Variants in SCGB2B2 observed in about 807,000 individuals in gnomAD.
SCGB2B2 encodes the protein secretoglobin-like protein.
In SCGB2B2, 11 loss-of-function variants were observed where a neutral mutation model predicts 7.6. The observed-to-expected ratio is 1.45, with a 90% confidence interval of 0.91 to 2.40. The LOEUF (loss-of-function observed/expected upper bound fraction) is 2.40. SCGB2B2 is among the 30% of genes most tolerant of loss of function. The pLI is 0.00. For missense variants in SCGB2B2, 104 were observed against 115.4 expected (o/e 0.90, Z 0.45); for synonymous variants, 50 against 48.6 (o/e 1.03, Z -0.12).
chr19:34,595,866 G>C lies in SCGB2B2; in HGVS notation c.-1303C>G, dbSNP rs889625188. 6.6e-6 allele frequency: 1 copy of C among 152,290 alleles called. No individual in the cohort carries two copies. 9.4% of individuals were successfully genotyped at this position (152,290 alleles called of 1,614,324 possible). ...CAGGGATGCTGACGCTTGTACACTC[G>C]GGTGCCAGTGCCGCTCCAATAGCGG... On this transcript the variant is annotated 5_prime_UTR_variant, in exon 2 of 4. Transcript: ENST00000601241.
chr19:34,591,546 C>T lies in SCGB2B2; in HGVS notation c.*2009G>A, dbSNP rs973162989. Among the ~76,000 whole-genome samples the T allele has an allele frequency of 3.3e-5, 5 of 152,316 alleles. No individual in the cohort carries two copies. Among genetic ancestry groups the T allele is most frequent in the Non-Finnish European group, 4.4e-5 (3 of 68,028 alleles). On this transcript the variant is annotated 3_prime_UTR_variant, in exon 4 of 4. Coordinates refer to ENST00000601241, the MANE Select transcript of SCGB2B2 (RefSeq NM_001025591.4). ...TGTGACCTCGTAAGTCCTGCTCATCCCCTCCCAGGATTTTTCACTGCACAT... is the reference window on the plus strand; with the variant it reads ...TGTGACCTCGTAAGTCCTGCTCATCTCCTCCCAGGATTTTTCACTGCACAT...
intron 1 of SCGB2B2, among the ~76,000 whole-genome samples, chr19:34,607,414 A>G (rs907949299): frequency 2.6e-5 from 4 of 152,222 alleles, no homozygotes; most frequent in African/African-American, 4.8e-5. Context: ...TAATGCTTCA[A>G]TGAACCTAGG....
intron 1 of SCGB2B2, chr19:34,645,955 G>A (rs745348571): frequency 2.0e-5 from 6 of 294,206 alleles, no homozygotes; most frequent in South Asian, 3.4e-5. Flanking sequence ...GACCTGAAGC[G>A]GGAGCTTGCT....
intron 1 of SCGB2B2, chr19:34,646,191 T>A: frequency 6.3e-6 from 1 of 159,314 alleles, no homozygotes; most frequent in Non-Finnish European, 1.4e-5. Context: ...AGGATGCTCA[T>A]GATCAGATGA....
In SCGB2B2 at chr19:34,676,700, C is replaced by G. The variant is rs1387830983; in HGVS notation, c.-3102G>C. ...TTCTGGTAACAGAAGCACTGCTTCA[C>G]GAAGATCATGCAGGTCAGTACTTAA... is the stretch of plus-strand genomic sequence containing the variant. On this transcript the variant is annotated 5_prime_UTR_variant, in exon 1 of 4. Coordinates refer to ENST00000601241, the MANE Select transcript of SCGB2B2 (RefSeq NM_001025591.4). The G allele has an allele frequency of 1.3e-5, 2 of 152,094 alleles. No homozygotes were observed. The highest frequency in any genetic ancestry group is 4.8e-5 in the African/African-American group (2 of 41,370). The allele number at this position is 152,094 out of a possible 1,614,324, so 9.4% of individuals were successfully genotyped here. A position where few individuals can be genotyped will look rare whatever the true frequency, so the allele number is the denominator to read the frequency against.
chr19:34,630,879 G>A (rs1004163146), intron 1 of SCGB2B2, among the ~76,000 whole-genome samples: 1 of 151,838 alleles, frequency 6.6e-6, no homozygotes, highest in Non-Finnish European at 1.5e-5. Flanking sequence ...GTCCAATAAT[G>A]ATAGACTGGA....
chr19:34,619,526 A>G (rs1485043697), intron 1 of SCGB2B2, among the ~76,000 whole-genome samples: 1 of 152,214 alleles, frequency 6.6e-6, no homozygotes, highest in Non-Finnish European at 1.5e-5. Flanking sequence ...CGATGGGCAA[A>G]GAGACGGCAA....
chr19:34,642,478 G>A (rs1281716139), intron 1 of SCGB2B2, among the ~76,000 whole-genome samples: 2 of 152,066 alleles, frequency 1.3e-5, no homozygotes, highest in Non-Finnish European at 2.9e-5. Flanking sequence ...CACTTTGGGA[G>A]GCCAAGGCAG....
In SCGB2B2 at chr19:34,676,158, T is replaced by G. The variant is rs1484660251; in HGVS notation, c.-2560A>C. 1.3e-5 allele frequency: 2 copies of G among 152,204 alleles called. No individual in the cohort carries two copies. The highest frequency in any genetic ancestry group is 2.9e-5 in the Non-Finnish European group (2 of 68,048). The allele number at this position is 152,204 out of a possible 1,614,324, so 9.4% of individuals were successfully genotyped here. Reference sequence around the variant, plus strand: ...TTACAGAGTGCTGTTTGGTCCGTTTTTACAGAGTGCTGACTGGTGCATTTA... The same window carrying G: ...TTACAGAGTGCTGTTTGGTCCGTTTGTACAGAGTGCTGACTGGTGCATTTA... On this transcript the variant is annotated 5_prime_UTR_variant, in exon 1 of 4. Transcript: ENST00000601241.
chr19:34,609,110 T>C, intron 1 of SCGB2B2, among the ~76,000 whole-genome samples: 1 of 152,228 alleles, frequency 6.6e-6, no homozygotes, highest in Non-Finnish European at 1.5e-5. Context: ...TGACCATTTG[T>C]ATGTCATCTT....
intron 1 of SCGB2B2, chr19:34,646,002 C>T (rs1031005124): frequency 9.2e-6 from 3 of 326,780 alleles, no homozygotes; most frequent in South Asian, 5.8e-5. Flanking sequence ...GGAGTCCTTC[C>T]TCAAGTTCTA....
rs567580095 is a variant in SCGB2B2 at position 34,593,120 on chromosome 19, G to C, written c.*435C>G. Among the ~76,000 whole-genome samples, 15 of 152,246 alleles carry C rather than the reference G, an allele frequency of 9.9e-5. No homozygotes were observed. In the East Asian group the frequency reaches 2.7e-3, roughly 27 times the overall value. ...GTGGATCATTTGCGGTCAGGAGTTT[G>C]AGACCAGCCTGGCCAACATGGCAAA... is the stretch of plus-strand genomic sequence containing the variant. On this transcript the variant is annotated 3_prime_UTR_variant, in exon 4 of 4. Coordinates refer to ENST00000601241, the MANE Select transcript of SCGB2B2 (RefSeq NM_001025591.4).
At chr19:34,615,538 G>T (rs1157219738) in intron 1 of SCGB2B2, among the ~76,000 whole-genome samples, 1 of 151,322 alleles carries the variant, frequency 6.6e-6, no homozygotes, top group East Asian at 1.9e-4. Flanking sequence ...TCTCCTTCAA[G>T]TATGTAGTTG....
intron 1 of SCGB2B2, among the ~76,000 whole-genome samples, chr19:34,598,798 C>T (rs539982111): frequency 3.9e-5 from 6 of 152,336 alleles, no homozygotes; most frequent in Admixed American, 2.0e-4. Context: ...ACTCTAATCC[C>T]CTGCTTCTGA....
chr19:34,660,951 T>A (rs56339212), intron 1 of SCGB2B2, among the ~76,000 whole-genome samples: 105,129 of 152,028 alleles, frequency 0.69, 36,608 homozygotes, highest in African/African-American at 0.71. Flanking sequence ...GCCATAAGAA[T>A]GGATGAGTGC....
At chr19:34,627,177 A>G (rs1161389861) in intron 1 of SCGB2B2, among the ~76,000 whole-genome samples, 1 of 152,220 alleles carries the variant, frequency 6.6e-6, no homozygotes. Flanking sequence ...AAGACCATCA[A>G]TGATAGGAAG....
intron 1 of SCGB2B2, among the ~76,000 whole-genome samples, chr19:34,602,204 A>G (rs570312907): frequency 5.5e-4 from 84 of 152,296 alleles, no homozygotes; most frequent in Admixed American, 9.8e-4. Context: ...TAAAATGTGC[A>G]TATAGTTTTT....
At chr19:34,670,652 G>T (rs1337247414) in intron 1 of SCGB2B2, among the ~76,000 whole-genome samples, 1 of 152,138 alleles carries the variant, frequency 6.6e-6, no homozygotes, top group Non-Finnish European at 1.5e-5. Flanking sequence ...TATGTGGTTT[G>T]CCAGTATAGT....
chr19:34,615,429 G>C (rs1193515610), intron 1 of SCGB2B2, among the ~76,000 whole-genome samples: 1 of 145,200 alleles, frequency 6.9e-6, no homozygotes, highest in Non-Finnish European at 1.5e-5. Flanking sequence ...TGGGACAGTG[G>C]AGGTCCAGCA....
Sources: allele counts gnomAD v4.1 joint callset (sites outside exome capture counted in the v4.1 genomes callset), GRCh38; gene constraint gnomAD v4.1.1; transcripts MANE v1.5; gene names NCBI Gene and HGNC (gene_info 2026-07-23, HGNC 2026-07-21).